The following ADAM33 variants were observed in gnomAD, a reference collection of about 807,000 sequenced individuals.
ADAM33 encodes the protein disintegrin and metalloproteinase domain-containing protein 33.
Under a neutral mutation model 106.2 loss-of-function variants are expected in ADAM33, and 103 were observed. That is an observed-to-expected ratio of 0.97 (90% CI 0.83 to 1.14). The LOEUF (loss-of-function observed/expected upper bound fraction) is 1.14, where lower values mean the gene tolerates loss of function less well. Among genes scored for constraint, ADAM33 ranks in the 50% most tolerant of loss-of-function variants. The probability of loss-of-function intolerance (pLI) is 0.00; values close to 1 mark genes in which losing one functional copy is unlikely to be tolerated. For synonymous variants in ADAM33, 483 were observed against 453.0 expected (o/e 1.07, Z -0.84); for missense variants, 1,120 against 1,096.6 (o/e 1.02, Z -0.30).
chr20:3,673,221 A>G, intron 11 of ADAM33, 133 bp downstream of exon 11: 1 of 1,533,354 alleles, frequency 6.5e-7, no homozygotes, highest in African/African-American at 1.4e-5. Context: ...CTCATAAACC[A>G]CCCTGAAGCG....
intron 3 of ADAM33, among the ~76,000 whole-genome samples, chr20:3,676,322 T>C (rs2087950705): frequency 6.6e-6 from 1 of 152,084 alleles, no homozygotes; most frequent in South Asian, 2.1e-4. Flanking sequence ...CATTCCCCCC[T>C]GCTCCCCTCC....
At position 3,669,304 on chromosome 20, in the gene ADAM33, G is replaced by C. The variant is rs1278715977; in HGVS notation, c.2399C>G (p.Pro800Arg). Residue 800 changes from proline (P) to arginine (R), a missense_variant, in exon 21 of 22, where the codon CCC (proline) becomes CGC (arginine). By Grantham distance (103) the Pro-to-Arg change is moderately radical. Coordinates refer to ENST00000356518, the MANE Select transcript of ADAM33 (RefSeq NM_025220.5). The stretch of plus-strand genomic sequence containing the variant: ...GAATCCAGGTCCCTGCCTACCTTGG[G>C]GGTCAGGCGAGACTGCTGGCAGAGG... ...EKPLPAVSPDPQADQVQMPRS... is the reference protein window; with the variant it reads ...EKPLPAVSPDRQADQVQMPRS... 2.5e-6 allele frequency: 4 copies of C among 1,588,218 alleles called. No individual in the cohort carries two copies. The highest frequency in any genetic ancestry group is 3.4e-6 in the Non-Finnish European group (4 of 1,173,140).
chr20:3,681,756 C>T (rs1459492273), intron 1 of ADAM33, 152 bp downstream of exon 1: 5 of 1,257,600 alleles, frequency 4.0e-6, no homozygotes, highest in East Asian at 3.1e-5. Flanking sequence ...GGAGACCCCC[C>T]CAAAGAGTCC....
intron 21 of ADAM33, 71 bp from the exon 22 acceptor site, chr20:3,669,071 C>T (rs1288079897): frequency 3.9e-6 from 6 of 1,536,676 alleles, no homozygotes; most frequent in African/African-American, 1.4e-5. Context: ...GGCAGAGAGC[C>T]CATCCTCACT....
intron 2 of ADAM33, among the ~76,000 whole-genome samples, chr20:3,678,331 G>C (rs1254165346): frequency 6.6e-6 from 1 of 152,192 alleles, no homozygotes; most frequent in African/African-American, 2.4e-5. Context: ...AGGCTTCCTG[G>C]GGGCAGGGGC....
chr20:3,674,936 C>T (rs369298734), intron 4 of ADAM33, 87 bp from the exon 5 acceptor site: 2 of 1,608,542 alleles, frequency 1.2e-6, no homozygotes, highest in South Asian at 1.1e-5. Context: ...CTGGCTCCAA[C>T]CGCCCCTTAG....
rs2087892457 is a variant in ADAM33, at chr20:3,675,635, TCA to T, written c.255-532_255-531del. On this transcript the variant is annotated intron_variant, in intron 3 of 21. Transcript: ENST00000356518. The surrounding 1 kb of genome is among the most constrained non-coding windows in gnomAD (Gnocchi z 4.1). ...CCACCTGTCCTTCAGTGATTGATGC[TCA>T]CCCCCTGCCTCCAGAGAAAACAGAA... Among the ~76,000 whole-genome samples, 1 of 152,076 alleles carries T rather than the reference TCA, an allele frequency of 6.6e-6. No homozygotes were observed. Among genetic ancestry groups the T allele is most frequent in the South Asian group, 2.1e-4 (1 of 4,822 alleles).
At position 3,673,816 on chromosome 20, in the gene ADAM33, C is replaced by T. The variant is rs1354748436; in HGVS notation, c.834G>A (p.Thr278=). The change falls in exon 9 of 22, where the codon ACG becomes ACA. Residue 278 remains threonine (T), a synonymous_variant. Coordinates refer to ENST00000356518, the MANE Select transcript of ADAM33 (RefSeq NM_025220.5). The part of the protein sequence containing the change: ...RSRVTQDANA[T]LWAFLQWRRG... ...GGCGCCACTGCAGGAAGGCCCAGAG[C>T]GTGGCGTTGGCGTCCTGCGTGACGC... is the stretch of plus-strand genomic sequence containing the variant. 7 of 1,549,566 alleles carry T rather than the reference C, an allele frequency of 4.5e-6. No individual in the cohort carries two copies. The highest frequency in any genetic ancestry group is 6.1e-6 in the Non-Finnish European group (7 of 1,154,730).
At position 3,671,158 on chromosome 20, in the gene ADAM33, G is replaced by T. The variant is rs765337683; in HGVS notation, c.2093-5C>A. 1 of 1,613,094 alleles carries T rather than the reference G, an allele frequency of 6.2e-7. No homozygotes were observed. Reference sequence around the variant, plus strand: ...CCAGCAGGAAGGTGTCATGGTCTGCGGGGATTGGGGGAAGGGGCGCTGAGT... The same window carrying T: ...CCAGCAGGAAGGTGTCATGGTCTGCTGGGATTGGGGGAAGGGGCGCTGAGT... On this transcript the variant is annotated splice_polypyrimidine_tract_variant and splice_region_variant and intron_variant, in intron 18 of 21. Transcript: ENST00000356518.
Position 3,674,673 on chromosome 20 carries a change from C to G in ADAM33, c.431G>C (p.Arg144Thr). Residue 144 changes from arginine (R) to threonine (T), a missense_variant, in exon 6 of 22, where the codon AGG (arginine) becomes ACG (threonine). Coordinates refer to ENST00000356518, the MANE Select transcript of ADAM33 (RefSeq NM_025220.5). Reference protein sequence around the residue: ...SGMSGLITLSRNASYYLRPWP... With the variant: ...SGMSGLITLSTNASYYLRPWP... ...GGGACGCAGATAATAGCTGGCATTC[C>G]TGCTGAGGGTGATCAGGCCACTAGG... 1 of 1,609,866 alleles carries G rather than the reference C, an allele frequency of 6.2e-7. No homozygotes were observed. The highest frequency in any genetic ancestry group is 8.5e-7 in the Non-Finnish European group (1 of 1,178,558).
In ADAM33 at chr20:3,674,195, CCAACCCCTGG is replaced by C. The variant is rs1568809924; in HGVS notation, c.666+14_666+23del. 1.7e-5 allele frequency: 28 copies of C among 1,614,162 alleles called. No individual in the cohort carries two copies. The highest frequency in any genetic ancestry group is 2.3e-5 in the Non-Finnish European group (27 of 1,180,034). On this transcript the variant is annotated intron_variant, in intron 7 of 21. Transcript: ENST00000356518. Reference sequence around the variant, plus strand: ...TGAGCTGGCCCCATCCCTGACCCCGCCAACCCCTGGGGTCTCTCCTCACCAGGGTGTGGTC... The same window carrying C: ...TGAGCTGGCCCCATCCCTGACCCCGCGGTCTCTCCTCACCAGGGTGTGGTC...
At chr20:3,674,021 C>T (rs764986076) in intron 8 of ADAM33, 43 bp downstream of exon 8, 1 of 1,612,790 alleles carries the variant, frequency 6.2e-7, no homozygotes, top group South Asian at 1.1e-5. Context: ...GCCTGTCCTG[C>T]CGCCGCCACC....
chr20:3,670,972 G>A (rs755692709), intron 19 of ADAM33, 34 bp downstream of exon 19: 6 of 1,524,450 alleles, frequency 3.9e-6, no homozygotes, highest in Admixed American at 2.0e-5. Flanking sequence ...GGAACCGCAG[G>A]AGTAGGCTCA....
rs1384786928 is a variant in ADAM33, at chr20:3,671,116, G to T, written c.2130C>A (p.Val710=). ...DTFLLAMLLS[V]LLPLLPGAGL... ...CGGCCCCTGGGAGCAGAGGCAGCAGGACGCTGAGGAGCATGGCCAGCAGGA... is the reference window on the plus strand; with the variant it reads ...CGGCCCCTGGGAGCAGAGGCAGCAGTACGCTGAGGAGCATGGCCAGCAGGA... Residue 710 remains valine (V), a synonymous_variant, in exon 19 of 22, where the codon GTC becomes GTA. Transcript: ENST00000356518. 1 of 1,606,568 alleles carries T rather than the reference G, an allele frequency of 6.2e-7. No individual in the cohort carries two copies.
In ADAM33 at chr20:3,674,096, G is replaced by A. The variant is rs750423431; in HGVS notation, c.706C>T (p.Arg236Cys). ...ACGTAGTTGGCGACTTCCAGGAGAC[G>A]CTGTTTGGTGTGGTTCAAGTTTCGG... ...RHRNLNHTKQ[R>C]LLEVANYVDQ... The change falls in exon 8 of 22, where the codon CGT (arginine) becomes TGT (cysteine). Residue 236 changes from arginine to cysteine, a missense_variant. Physicochemically the swap from Arg to Cys is radical, Grantham distance 180 (BLOSUM62 -3). Coordinates refer to ENST00000356518, the MANE Select transcript of ADAM33 (RefSeq NM_025220.5). 5.6e-6 allele frequency: 9 copies of A among 1,614,194 alleles called. No individual in the cohort carries two copies. Among genetic ancestry groups the A allele is most frequent in the Non-Finnish European group, 7.6e-6 (9 of 1,180,030 alleles).
At chr20:3,670,268 C>T (rs1196233774) in intron 19 of ADAM33, 1 of 169,016 alleles carries the variant, frequency 5.9e-6, no homozygotes. Context: ...TGGTGCCCTG[C>T]CCCTGTCTGT....
At chr20:3,673,121 C>G in intron 11 of ADAM33, 3 of 1,461,486 alleles carry the variant, frequency 2.1e-6, no homozygotes, top group Non-Finnish European at 2.7e-6. Context: ...CGGTGCTCCT[C>G]CCGGTGTAGG....
chr20:3,670,044 A>C, intron 19 of ADAM33: 1 of 358,206 alleles, frequency 2.8e-6, no homozygotes, highest in Non-Finnish European at 5.3e-6. Flanking sequence ...TCCCCATCCC[A>C]TCCCCCAAGG....
At chr20:3,677,820 C>T (rs1189737930) in intron 2 of ADAM33, among the ~76,000 whole-genome samples, 5 of 152,234 alleles carry the variant, frequency 3.3e-5, no homozygotes, top group African/African-American at 1.2e-4. Flanking sequence ...CTCTCTCCTT[C>T]CCCCACCCTC....
Sources: allele counts gnomAD v4.1 joint callset (sites outside exome capture counted in the v4.1 genomes callset), GRCh38; gene constraint gnomAD v4.1.1; non-coding constraint Gnocchi (gnomAD v3.1); transcripts MANE v1.5; gene names NCBI Gene and HGNC (gene_info 2026-07-23, HGNC 2026-07-21).